The following MCHR2 variants were observed in gnomAD, a reference collection of about 807,000 sequenced individuals.
MCHR2 encodes melanin concentrating hormone receptor 2, also known as melanin-concentrating hormone receptor 2.
A neutral mutation model predicts 24.8 loss-of-function variants in MCHR2; 15 were observed. The ratio of observed to expected loss-of-function variants is 0.60; its 90% CI spans 0.40 to 0.93. MCHR2 has a LOEUF of 0.93. MCHR2 is among the 40% of genes least tolerant of loss of function. The pLI, the probability that MCHR2 is intolerant of heterozygous loss-of-function variation, is 0.00. For synonymous variants in MCHR2, 151 were observed against 147.6 expected (o/e 1.02, Z -0.17); for missense variants, 386 against 408.7 (o/e 0.94, Z 0.48).
intron 1 of MCHR2, among the ~76,000 whole-genome samples, chr6:99,986,489 C>G (rs1775772592): frequency 6.6e-6 from 1 of 152,082 alleles, no homozygotes; most frequent in African/African-American, 2.4e-5. Context: ...CCTACTCAGT[C>G]ATAAAAAATA....
chr6:99,981,585 A>G (rs186703953), intron 1 of MCHR2, among the ~76,000 whole-genome samples: 1 of 152,254 alleles, frequency 6.6e-6, no homozygotes, highest in East Asian at 1.9e-4. Context: ...TCAGTTTCCT[A>G]TTTGTTTAAT....
At chr6:99,922,940 A>G (rs1425103483) in intron 5 of MCHR2, among the ~76,000 whole-genome samples, 1 of 151,856 alleles carries the variant, frequency 6.6e-6, no homozygotes, top group African/African-American at 2.4e-5. Context: ...TATCATTGGT[A>G]TTTTGATAGA....
chr6:99,977,030 C>T (rs775528791), intron 1 of MCHR2, among the ~76,000 whole-genome samples: 2 of 152,130 alleles, frequency 1.3e-5, no homozygotes, highest in South Asian at 2.1e-4. Context: ...ATTTTTATAA[C>T]AAAGTTATAT....
At chr6:99,978,541 C>A (rs1251447911) in intron 1 of MCHR2, among the ~76,000 whole-genome samples, 1 of 151,648 alleles carries the variant, frequency 6.6e-6, no homozygotes, top group Non-Finnish European at 1.5e-5. Context: ...GCCTCAGCCT[C>A]CTGAGTAGCT....
intron 1 of MCHR2, among the ~76,000 whole-genome samples, chr6:99,993,196 A>C (rs568560205): frequency 2.0e-4 from 31 of 152,100 alleles, no homozygotes; most frequent in East Asian, 1.2e-3. Context: ...AAAATACAAG[A>C]AGCACATTTT....
At chr6:99,973,582 A>T (rs1476442298) in intron 1 of MCHR2, among the ~76,000 whole-genome samples, 4 of 152,124 alleles carry the variant, frequency 2.6e-5, no homozygotes, top group Non-Finnish European at 5.9e-5. Context: ...TAATATTGTT[A>T]TGTGTGAATT....
chr6:99,984,239 T>C (rs953641061), intron 1 of MCHR2, among the ~76,000 whole-genome samples: 15 of 44,434 alleles, frequency 3.4e-4, no homozygotes, highest in Admixed American at 9.9e-4. Context: ...TTGTTTTTTA[T>C]TTTTTTATTT....
chr6:99,945,531 TG>T (rs1484904405), intron 3 of MCHR2, among the ~76,000 whole-genome samples: 1 of 152,170 alleles, frequency 6.6e-6, no homozygotes, highest in African/African-American at 2.4e-5. Context: ...TGGAAACACT[TG>T]AAATGCATGA....
chr6:99,949,018 C>T (rs534966082), intron 2 of MCHR2, among the ~76,000 whole-genome samples: 17 of 152,118 alleles, frequency 1.1e-4, no homozygotes, highest in South Asian at 6.2e-4. Context: ...CTAGAAGTGG[C>T]CTTCTCATCA....
chr6:99,936,400 T>C (rs2114509859), intron 4 of MCHR2, among the ~76,000 whole-genome samples: 1 of 152,136 alleles, frequency 6.6e-6, no homozygotes, highest in East Asian at 1.9e-4. Flanking sequence ...ATGGGTCTAG[T>C]TTCATTCTTC....
chr6:99,973,956 T>A (rs1775493593), intron 1 of MCHR2, among the ~76,000 whole-genome samples: 1 of 152,252 alleles, frequency 6.6e-6, no homozygotes, highest in Admixed American at 6.5e-5. Context: ...CTTCCCTTTG[T>A]GGGTAACCCG....
chr6:99,960,678 C>T (rs1775167228), intron 1 of MCHR2, among the ~76,000 whole-genome samples: 1 of 152,090 alleles, frequency 6.6e-6, no homozygotes, highest in East Asian at 1.9e-4. Flanking sequence ...TAATGCCACA[C>T]ATCTACAACC....
intron 3 of MCHR2, among the ~76,000 whole-genome samples, chr6:99,943,679 G>C (rs1013010157): frequency 6.6e-6 from 1 of 152,122 alleles, no homozygotes; most frequent in African/African-American, 2.4e-5. Context: ...TATTTTTTAA[G>C]ATCTGCCTGG....
At chr6:99,959,424 A>G (rs552414402) in intron 1 of MCHR2, among the ~76,000 whole-genome samples, 1 of 151,964 alleles carries the variant, frequency 6.6e-6, no homozygotes, top group African/African-American at 2.4e-5. Flanking sequence ...TGGGAGAGGT[A>G]GCTATATTGT....
At chr6:99,930,547 C>G (rs1774495944) in intron 5 of MCHR2, among the ~76,000 whole-genome samples, 1 of 151,844 alleles carries the variant, frequency 6.6e-6, no homozygotes, top group Non-Finnish European at 1.5e-5. Context: ...TCTTTTTATT[C>G]TTTTTTCTCT....
intron 1 of MCHR2, among the ~76,000 whole-genome samples, chr6:99,972,158 C>G (rs1562131742): frequency 6.6e-6 from 1 of 152,200 alleles, no homozygotes; most frequent in Non-Finnish European, 1.5e-5. Flanking sequence ...CCTTGTACCT[C>G]TGGTAGAATT....
chr6:99,987,850 A>AT (rs1365311265), intron 1 of MCHR2, among the ~76,000 whole-genome samples: 3 of 152,236 alleles, frequency 2.0e-5, no homozygotes, highest in Admixed American at 6.5e-5. Context: ...ACAAAAGGTT[A>AT]TTTTTTATTG....
intron 4 of MCHR2, among the ~76,000 whole-genome samples, chr6:99,939,340 A>C (rs1774728844): frequency 6.6e-6 from 1 of 152,060 alleles, no homozygotes; most frequent in South Asian, 2.1e-4. Context: ...TATTTTTAAA[A>C]TCTATTATGG....
chr6:99,961,534 G>T (rs1775188059), intron 1 of MCHR2, among the ~76,000 whole-genome samples: 1 of 152,024 alleles, frequency 6.6e-6, no homozygotes, highest in Non-Finnish European at 1.5e-5. Context: ...TTATAAAAAA[G>T]GATAAGTTCA....
Sources: allele counts gnomAD v4.1 joint callset (sites outside exome capture counted in the v4.1 genomes callset), GRCh38; gene constraint gnomAD v4.1.1; transcripts MANE v1.5; gene names NCBI Gene and HGNC (gene_info 2026-07-23, HGNC 2026-07-21).